The following PCDH15 variants were observed in gnomAD, a reference collection of about 807,000 sequenced individuals.
PCDH15 encodes the protein protocadherin related 15, also known as protocadherin-15.
PCDH15 carries 129 observed loss-of-function variants against 178.5 expected under a neutral mutation model. The observed-to-expected ratio is 0.72, with a 90% CI of 0.63 to 0.84. PCDH15 has a LOEUF of 0.84. Among genes scored for constraint, PCDH15 ranks in the 40% least tolerant of loss-of-function variants. The pLI is 0.00. For synonymous variants in PCDH15, 800 were observed against 732.0 expected (o/e 1.09, Z -1.50); for missense variants, 2,230 against 2,099.9 (o/e 1.06, Z -1.21).
chr10:55,257,692 G>A lies in PCDH15; in HGVS notation c.-156+61907C>T, dbSNP rs573387251. 2.1e-3 allele frequency among the ~76,000 whole-genome samples: 316 copies of A among 152,210 alleles called. 2 individuals carry two copies. Among genetic ancestry groups the A allele is most frequent in the Middle Eastern group, 0.01 (3 of 294 alleles). ...TAGAGAAAAAAGAATAAAAAGAAAC[G>A]AACAAAGCCTCCAAGAAATATGGGA... On this transcript the variant is annotated intron_variant, in intron 1 of 5. Coordinates refer to the PCDH15 transcript ENST00000458638.
In PCDH15 at chr10:54,439,789, G is replaced by C. The variant is rs1441500610; in HGVS notation, c.158-60847C>G. 2.0e-5 allele frequency among the ~76,000 whole-genome samples: 3 copies of C among 151,936 alleles called. No homozygotes were observed. In the East Asian group the frequency reaches 5.8e-4, roughly 29 times the overall value. Reference sequence around the variant, plus strand: ...GATTTTTTATAAAATTAATAACTTTGCTACCAGTTTCTCAAAAATGAGTAG... The same window carrying C: ...GATTTTTTATAAAATTAATAACTTTCCTACCAGTTTCTCAAAAATGAGTAG... On this transcript the variant is annotated intron_variant, in intron 3 of 37. Coordinates refer to ENST00000644397, the MANE Select transcript of PCDH15 (RefSeq NM_001384140.1).
intron 2 of PCDH15, among the ~76,000 whole-genome samples, chr10:55,598,221 C>T (rs113817375): frequency 5.3e-4 from 81 of 151,972 alleles, no homozygotes; most frequent in Non-Finnish European, 1.0e-3. Context: ...TAAGCTCTAT[C>T]TAAATCGTAA....
At chr10:55,217,585 C>A (rs1840742864) in intron 1 of PCDH15, among the ~76,000 whole-genome samples, 1 of 151,828 alleles carries the variant, frequency 6.6e-6, no homozygotes, top group Non-Finnish European at 1.5e-5. Flanking sequence ...TTCCACAAAG[C>A]TATTATTGAT....
chr10:54,402,510 A>AT (rs1025338604), intron 3 of PCDH15, among the ~76,000 whole-genome samples: 9 of 152,060 alleles, frequency 5.9e-5, no homozygotes, highest in South Asian at 2.1e-4. Flanking sequence ...TAAATACGGC[A>AT]TTTTTTTAAA....
intron 2 of PCDH15, among the ~76,000 whole-genome samples, chr10:55,512,453 G>A (rs1466165956): frequency 3.3e-5 from 5 of 151,912 alleles, no homozygotes; most frequent in African/African-American, 9.7e-5. Context: ...CATGCCGTGG[G>A]CAAATAATGC....
At chr10:54,453,507 G>C (rs1039202195) in intron 3 of PCDH15, among the ~76,000 whole-genome samples, 2 of 151,938 alleles carry the variant, frequency 1.3e-5, no homozygotes, top group Non-Finnish European at 2.9e-5. Flanking sequence ...CCTGTTGTGG[G>C]GTTAGGGGAG....
chr10:54,949,181 C>T (rs1179401808), intron 2 of PCDH15, among the ~76,000 whole-genome samples: 2 of 151,810 alleles, frequency 1.3e-5, no homozygotes, highest in Non-Finnish European at 2.9e-5. Context: ...TAAAGAACTG[C>T]CTGAGACTGG....
Position 53,806,485 on chromosome 10 carries a change from T to C in PCDH15, c.*94A>G. On this transcript the variant is annotated 3_prime_UTR_variant, in exon 38 of 38. Coordinates refer to ENST00000644397, the MANE Select transcript of PCDH15 (RefSeq NM_001384140.1). ...AAAGTTTTAGCTTGTGTGCATGATA[T>C]AAATTCCATACATTGTTTTCTCAGT... is the stretch of plus-strand genomic sequence containing the variant. 4.5e-6 allele frequency: 5 copies of C among 1,115,556 alleles called. No individual in the cohort carries two copies. The highest frequency in any genetic ancestry group is 2.9e-4 in the Middle Eastern group (1 of 3,392). The allele number at this position is 1,115,556 out of a possible 1,614,324, so 69.1% of individuals were successfully genotyped here.
chr10:53,883,448 T>C lies in PCDH15; in HGVS notation c.3502-16591A>G, dbSNP rs149550179. Among the ~76,000 whole-genome samples the C allele has an allele frequency of 1.8e-4, 28 of 152,274 alleles. No homozygotes were observed. The East Asian group carries it at 5.4e-3, about 30-fold the overall frequency. ...CTCCTTTTTCTCTTTTCTTATTCGT[T>C]AAATCTTTGTTTTTACAAATCCCTG... is the stretch of plus-strand genomic sequence containing the variant. On this transcript the variant is annotated intron_variant, in intron 26 of 37. Transcript: ENST00000644397.
chr10:53,976,478 G>A (rs923410615), intron 21 of PCDH15, among the ~76,000 whole-genome samples: 2 of 152,024 alleles, frequency 1.3e-5, no homozygotes, highest in Non-Finnish European at 2.9e-5. Context: ...TTTTCCATTT[G>A]CTTTTGTCTT....
chr10:54,162,596 G>T (rs1030978820), intron 13 of PCDH15, among the ~76,000 whole-genome samples: 1 of 151,890 alleles, frequency 6.6e-6, no homozygotes, highest in East Asian at 1.9e-4. Flanking sequence ...GCTCCCTTCA[G>T]ATGTGGTAAT....
intron 2 of PCDH15, among the ~76,000 whole-genome samples, chr10:54,537,674 A>G (rs1238383339): frequency 6.6e-6 from 1 of 151,654 alleles, no homozygotes; most frequent in African/African-American, 2.4e-5. Context: ...ACCAAAAACC[A>G]TAAGGTTTTT....
intron 13 of PCDH15, among the ~76,000 whole-genome samples, chr10:54,173,592 T>C (rs2047120777): frequency 6.6e-6 from 1 of 152,148 alleles, no homozygotes. Context: ...ATAAATAAAT[T>C]CCTAATACAT....
chr10:54,282,622 T>A (rs1047394701), intron 8 of PCDH15, among the ~76,000 whole-genome samples: 6 of 152,066 alleles, frequency 3.9e-5, no homozygotes, highest in Non-Finnish European at 8.8e-5. Flanking sequence ...GTTGATGAGA[T>A]TTAAACTAAT....
At chr10:53,939,797 G>A (rs1049741354) in intron 24 of PCDH15, among the ~76,000 whole-genome samples, 9 of 151,978 alleles carry the variant, frequency 5.9e-5, no homozygotes, top group East Asian at 3.9e-4. Flanking sequence ...GGGGACAGAC[G>A]TTAATAAATA....
chr10:54,468,828 C>T (rs1359703281), intron 3 of PCDH15, among the ~76,000 whole-genome samples: 1 of 151,946 alleles, frequency 6.6e-6, no homozygotes, highest in African/African-American at 2.4e-5. Context: ...TCTGGGTGCT[C>T]CAGTGTTTGC....
intron 26 of PCDH15, among the ~76,000 whole-genome samples, chr10:53,889,275 C>G (rs977901340): frequency 2.6e-5 from 4 of 151,882 alleles, no homozygotes; most frequent in African/African-American, 9.7e-5. Flanking sequence ...GCAAGCCATA[C>G]CTTGGGAGAC....
intron 3 of PCDH15, among the ~76,000 whole-genome samples, chr10:54,876,839 G>A (rs2131801279): frequency 6.6e-6 from 1 of 152,270 alleles, no homozygotes; most frequent in African/African-American, 2.4e-5. Flanking sequence ...AAAGGATTGA[G>A]AATATTACAT....
chr10:53,887,259 T>C (rs937331658), intron 26 of PCDH15, among the ~76,000 whole-genome samples: 2 of 152,198 alleles, frequency 1.3e-5, no homozygotes, highest in African/African-American at 4.8e-5. Context: ...ACAAGAACAC[T>C]ATGTGGCATT....
Sources: gnomAD v4.1 joint callset for allele counts (sites outside exome capture counted in the v4.1 genomes callset) on GRCh38, gnomAD v4.1.1 for gene constraint, MANE v1.5 for transcripts, NCBI Gene and HGNC (gene_info 2026-07-23, HGNC 2026-07-21) for gene names.